GRK5: variants seen among roughly 807,000 people sequenced by gnomAD.
The protein encoded by GRK5 is g protein-coupled receptor kinase GRK5.
In GRK5, 40 loss-of-function variants were observed where a neutral mutation model predicts 78.4. The observed-to-expected ratio is 0.51, with a 90% CI of 0.40 to 0.66. The LOEUF (loss-of-function observed/expected upper bound fraction) is 0.66, where lower values mean the gene tolerates loss of function less well. GRK5 is among the 30% of genes least tolerant of loss of function. GRK5 has a pLI of 0.00. For synonymous variants in GRK5, 289 were observed against 296.8 expected (o/e 0.97, Z 0.27); for missense variants, 598 against 759.9 (o/e 0.79, Z 2.50).
At chr10:119,451,105 G>A (rs181974780) in intron 13 of GRK5, among the ~76,000 whole-genome samples, 3 of 49,162 alleles carry the variant, frequency 6.1e-5, no homozygotes, top group African/African-American at 1.0e-4. Context: ...GCCCCCCACC[G>A]TCGTCCCTGC....
intron 3 of GRK5, among the ~76,000 whole-genome samples, 167 bp downstream of exon 3, chr10:119,381,094 T>G (rs1216165821): frequency 1.3e-5 from 2 of 152,220 alleles, no homozygotes; most frequent in Non-Finnish European, 2.9e-5. Flanking sequence ...TGTCTGAGGA[T>G]CTAAACACAT....
At chr10:119,326,447 G>T in intron 1 of GRK5, 69 bp from the exon 2 acceptor site, 2 of 1,287,520 alleles carry the variant, frequency 1.6e-6, no homozygotes, top group East Asian at 2.3e-5. Flanking sequence ...AGGCTGGTGG[G>T]CAGGCTCACT....
chr10:119,317,057 C>G (rs564621482), intron 1 of GRK5, among the ~76,000 whole-genome samples: 1 of 152,194 alleles, frequency 6.6e-6, no homozygotes, highest in Non-Finnish European at 1.5e-5. Context: ...TTAGAGACTA[C>G]CTCTCAGGAA....
intron 4 of GRK5, among the ~76,000 whole-genome samples, chr10:119,419,350 C>T (rs61876096): frequency 0.17 from 25,477 of 152,216 alleles, 2,731 homozygotes; most frequent in Admixed American, 0.25. Context: ...CAGGGAAGGA[C>T]CAGACATCCT....
intron 2 of GRK5, among the ~76,000 whole-genome samples, chr10:119,350,987 G>C (rs756139618): frequency 6.6e-6 from 1 of 152,130 alleles, no homozygotes; most frequent in Non-Finnish European, 1.5e-5. Context: ...GCAGATACTG[G>C]GCTAATCACA....
intron 3 of GRK5, among the ~76,000 whole-genome samples, chr10:119,386,005 C>T (rs1483091225): frequency 1.3e-5 from 2 of 152,156 alleles, no homozygotes; most frequent in African/African-American, 4.8e-5. Flanking sequence ...CTGCCTCAGC[C>T]TCCCAAGTAG....
chr10:119,354,325 C>T (rs532887041), intron 2 of GRK5, among the ~76,000 whole-genome samples: 29 of 150,504 alleles, frequency 1.9e-4, no homozygotes, highest in Non-Finnish European at 3.7e-4. Flanking sequence ...CTATAGTTCT[C>T]ATATTCTCAT....
At chr10:119,319,824 T>G (rs933213132) in intron 1 of GRK5, among the ~76,000 whole-genome samples, 3 of 152,210 alleles carry the variant, frequency 2.0e-5, no homozygotes, top group Admixed American at 6.5e-5. Flanking sequence ...ACCTCCTGAA[T>G]GAGGGCCAAA....
At position 119,453,287 on chromosome 10, in the gene GRK5, C is replaced by A. The variant is rs1026566075; in HGVS notation, c.1674+11C>A. 4 of 1,613,632 alleles carry A rather than the reference C, an allele frequency of 2.5e-6. No individual in the cohort carries two copies. In the African/African-American group the frequency reaches 5.3e-5, roughly 22 times the overall value. ...CTCTTCAAGCGGCAGGTGAGACACC[C>A]ATGCCTGGCCAGTCCTGGCATCAGC... On this transcript the variant is annotated intron_variant, in intron 15 of 15. Transcript: ENST00000392870.
At chr10:119,363,819 G>C (rs1291736731) in intron 2 of GRK5, among the ~76,000 whole-genome samples, 1 of 152,238 alleles carries the variant, frequency 6.6e-6, no homozygotes, top group Admixed American at 6.5e-5. Flanking sequence ...GCCACCCCTA[G>C]CTGCAGAGGT....
intron 9 of GRK5, 131 bp downstream of exon 9, chr10:119,436,972 G>A: frequency 1.2e-6 from 1 of 863,496 alleles, no homozygotes; most frequent in Non-Finnish European, 1.7e-6. Context: ...AGGATGCAGA[G>A]TCAGACAGAC....
At chr10:119,439,792 C>T (rs1192194789) in intron 10 of GRK5, 24 bp downstream of exon 10, 5 of 1,611,630 alleles carry the variant, frequency 3.1e-6, no homozygotes, top group Non-Finnish European at 4.2e-6. Flanking sequence ...TACTCGGTAG[C>T]TGAGGTGAGC....
chr10:119,344,193 A>G (rs1341484441), intron 2 of GRK5, among the ~76,000 whole-genome samples: 1 of 140,436 alleles, frequency 7.1e-6, no homozygotes, highest in Non-Finnish European at 1.6e-5. Flanking sequence ...TTTATTTTTG[A>G]TTATACTTTA....
chr10:119,315,437 G>A (rs898745798), intron 1 of GRK5, among the ~76,000 whole-genome samples: 4 of 152,200 alleles, frequency 2.6e-5, no homozygotes, highest in Admixed American at 6.5e-5. Context: ...GGTGGCAAAG[G>A]TGGCAGAGCC....
intron 4 of GRK5, among the ~76,000 whole-genome samples, chr10:119,405,194 G>A (rs1852215765): frequency 1.3e-5 from 2 of 152,142 alleles, no homozygotes; most frequent in Admixed American, 1.3e-4. Flanking sequence ...TCCCGGACAA[G>A]GGGGTGGACA....
At chr10:119,383,757 C>T (rs1389156876) in intron 3 of GRK5, among the ~76,000 whole-genome samples, 1 of 152,150 alleles carries the variant, frequency 6.6e-6, no homozygotes, top group Non-Finnish European at 1.5e-5. Flanking sequence ...CAGCAGTTAT[C>T]AGTAGTCTCC....
intron 2 of GRK5, among the ~76,000 whole-genome samples, chr10:119,375,210 T>A (rs1447802838): frequency 6.6e-6 from 1 of 152,104 alleles, no homozygotes; most frequent in East Asian, 1.9e-4. Context: ...TAATTCACCT[T>A]CTCCCACACT....
intron 1 of GRK5, among the ~76,000 whole-genome samples, chr10:119,221,503 C>T (rs1249822604): frequency 6.6e-6 from 1 of 152,142 alleles, no homozygotes; most frequent in African/African-American, 2.4e-5. Context: ...CTAGCAGACT[C>T]TTAGGGGTTA....
chr10:119,344,518 C>T (rs1481471222), intron 2 of GRK5, among the ~76,000 whole-genome samples: 1 of 152,214 alleles, frequency 6.6e-6, no homozygotes, highest in Non-Finnish European at 1.5e-5. Flanking sequence ...CCTGTCAGAG[C>T]TCTCCAAGCC....
Sources: gnomAD v4.1 joint callset for allele counts (sites outside exome capture counted in the v4.1 genomes callset) on GRCh38, gnomAD v4.1.1 for gene constraint, MANE v1.5 for transcripts, NCBI Gene and HGNC (gene_info 2026-07-23, HGNC 2026-07-21) for gene names.